The following MAF variants were observed in gnomAD, a reference collection of about 807,000 sequenced individuals.
MAF encodes transcription factor Maf.
A neutral mutation model predicts 22.0 loss-of-function variants in MAF; 10 were observed. The ratio of observed to expected loss-of-function variants is 0.45; its 90% CI spans 0.28 to 0.77. The LOEUF (loss-of-function observed/expected upper bound fraction) is 0.77. Ranked by LOEUF, MAF falls within the 30% of genes least tolerant of loss-of-function variation. The pLI, the probability that MAF is intolerant of heterozygous loss-of-function variation, is 0.12. For missense variants in MAF, 544 were observed against 548.4 expected, an observed-to-expected ratio of 0.99 and a Z score of 0.08; for synonymous variants, 337 against 255.8, an observed-to-expected ratio of 1.32 and a Z score of -3.03.
chr16:79,357,866 C>T, the MAF span, among the ~76,000 whole-genome samples: 2 of 152,210 alleles, frequency 1.3e-5, no homozygotes, highest in African/African-American at 4.8e-5. Context: ...GATGTATCCC[C>T]CTTGCATGGG....
chr16:79,212,096 C>G, the MAF span: 3 of 1,535,874 alleles, frequency 2.0e-6, no homozygotes, highest in Admixed American at 5.9e-5. Context: ...GGAGAAGCAC[C>G]AGCAATTCTC....
chr16:79,329,757 A>C, the MAF span, among the ~76,000 whole-genome samples: 1 of 152,206 alleles, frequency 6.6e-6, no homozygotes, highest in South Asian at 2.1e-4. Flanking sequence ...TTATTGATCT[A>C]TAGTATATAA....
the MAF span, among the ~76,000 whole-genome samples, chr16:79,372,832 G>T: frequency 1.3e-5 from 2 of 152,138 alleles, no homozygotes; most frequent in Non-Finnish European, 1.5e-5. Flanking sequence ...CAGACCCACT[G>T]ATTTTCCTTT....
At chr16:79,561,066 C>T in the MAF span, among the ~76,000 whole-genome samples, 12 of 152,162 alleles carry the variant, frequency 7.9e-5, no homozygotes, top group Non-Finnish European at 1.3e-4. Flanking sequence ...TTGCTTTCAT[C>T]CCAAGACCTG....
the MAF span, among the ~76,000 whole-genome samples, chr16:79,237,987 C>A: frequency 6.6e-6 from 1 of 152,096 alleles, no homozygotes; most frequent in African/African-American, 2.4e-5. Context: ...TCCTGACTTG[C>A]TTCTCTACTG....
the MAF span, among the ~76,000 whole-genome samples, chr16:79,386,564 G>A: frequency 3.4e-4 from 52 of 152,298 alleles, no homozygotes; most frequent in Middle Eastern, 3.4e-3. Flanking sequence ...CTCGTAACAG[G>A]CCATTAACCA....
At chr16:79,482,120 A>C in the MAF span, among the ~76,000 whole-genome samples, 4 of 152,350 alleles carry the variant, frequency 2.6e-5, no homozygotes, top group East Asian at 7.7e-4. Flanking sequence ...GGACGCATTG[A>C]CAAGATCCTT....
chr16:79,352,381 G>A, the MAF span, among the ~76,000 whole-genome samples: 15 of 152,232 alleles, frequency 9.9e-5, 1 homozygote, highest in African/African-American at 3.6e-4. Flanking sequence ...GGAGTAAGGA[G>A]GTGTCATAGC....
At chr16:79,238,210 C>T in the MAF span, among the ~76,000 whole-genome samples, 9 of 152,188 alleles carry the variant, frequency 5.9e-5, no homozygotes, top group African/African-American at 2.2e-4. Context: ...CCAGCATCCC[C>T]ACAACTGCAG....
rs1177937115 is a variant in MAF at position 79,594,510 on chromosome 16, T to C, written c.1162A>G (p.Thr388Ala). ...ACACGATGCTGGGGCTTCCAAAATG[T>C]GGCGTATCCCACTGATGGCTCCAAC... ...RKLEPSVGYA[T>A]FWKPQHRVLT... Residue 388 changes from threonine (T) to alanine (A), a missense_variant, in exon 2 of 2, where the codon ACA becomes GCA. Thr to Ala is a moderately conservative substitution (Grantham distance 58, BLOSUM62 0). Coordinates refer to ENST00000326043, the MANE Select transcript of MAF (RefSeq NM_005360.5). 13 of 1,567,256 alleles carry C rather than the reference T, an allele frequency of 8.3e-6. No homozygotes were observed. Among genetic ancestry groups the C allele is most frequent in the South Asian group, 1.2e-5 (1 of 85,348 alleles).
chr16:79,350,202 A>G, the MAF span, among the ~76,000 whole-genome samples: 2 of 152,176 alleles, frequency 1.3e-5, no homozygotes, highest in Non-Finnish European at 2.9e-5. Context: ...CATGGACTCT[A>G]TGGACCTAAA....
the MAF span, among the ~76,000 whole-genome samples, chr16:79,431,510 A>G: frequency 6.6e-6 from 1 of 152,202 alleles, no homozygotes; most frequent in East Asian, 1.9e-4. Flanking sequence ...TTCTTTACTC[A>G]TTGGTAAGTT....
At chr16:79,412,951 G>C in the MAF span, among the ~76,000 whole-genome samples, 66 of 152,316 alleles carry the variant, frequency 4.3e-4, no homozygotes, top group African/African-American at 1.5e-3. Flanking sequence ...ATCAGGGTCA[G>C]CATCTGTGAG....
the MAF span, among the ~76,000 whole-genome samples, chr16:79,566,641 G>T: frequency 5.6e-5 from 8 of 143,366 alleles, no homozygotes; most frequent in Admixed American, 5.5e-4. Flanking sequence ...CAAGGTTCAA[G>T]AGCAAAGTGT....
chr16:79,408,472 A>G, the MAF span, among the ~76,000 whole-genome samples: 13 of 152,152 alleles, frequency 8.5e-5, no homozygotes, highest in Non-Finnish European at 1.6e-4. Context: ...CACCGCACCC[A>G]GCCACATTGT....
Position 79,598,769 on chromosome 16 carries a change from C to A in MAF, c.1118+16G>T, listed in dbSNP as rs368669661. 1 of 1,613,616 alleles carries A rather than the reference C, an allele frequency of 6.2e-7. No homozygotes were observed. The highest frequency in any genetic ancestry group is 8.5e-7 in the Non-Finnish European group (1 of 1,179,976). On this transcript the variant is annotated intron_variant, in intron 1 of 1. Coordinates refer to ENST00000326043, the MANE Select transcript of MAF (RefSeq NM_005360.5). Reference sequence around the variant, plus strand: ...ACTTATCAGGGTGGCTAGCTGGAATCGCGTGTCAGACTCACATGAAAAACT... The same window carrying A: ...ACTTATCAGGGTGGCTAGCTGGAATAGCGTGTCAGACTCACATGAAAAACT...
At chr16:79,449,191 G>C in the MAF span, among the ~76,000 whole-genome samples, 1 of 152,164 alleles carries the variant, frequency 6.6e-6, no homozygotes, top group African/African-American at 2.4e-5. Flanking sequence ...ACAGGAGGCG[G>C]TGGTAATGCC....
At chr16:79,557,116 G>A in the MAF span, among the ~76,000 whole-genome samples, 8 of 151,664 alleles carry the variant, frequency 5.3e-5, no homozygotes, top group East Asian at 1.9e-4. Flanking sequence ...CCCAGCTCAC[G>A]TACAAGCTCT....
At chr16:79,467,082 C>T in the MAF span, among the ~76,000 whole-genome samples, 3 of 152,148 alleles carry the variant, frequency 2.0e-5, no homozygotes, top group Non-Finnish European at 4.4e-5. Context: ...TGTTGTCACC[C>T]CTGTTTAAAA....
Sources: allele counts gnomAD v4.1 joint callset (sites outside exome capture counted in the v4.1 genomes callset), GRCh38; gene constraint gnomAD v4.1.1; transcripts MANE v1.5; gene names NCBI Gene and HGNC (gene_info 2026-07-23, HGNC 2026-07-21).